Variants in LATS1 observed in about 807,000 individuals in gnomAD.
LATS1 encodes large tumor suppressor kinase 1, also known as serine/threonine-protein kinase LATS1.
Under a neutral mutation model 106.6 loss-of-function variants are expected in LATS1, and 25 were observed. That is an observed-to-expected ratio of 0.23 (90% confidence interval 0.17 to 0.33). The LOEUF is 0.33. Ranked by LOEUF, LATS1 falls within the 10% of genes least tolerant of loss-of-function variation. The pLI is 1.00. For synonymous variants in LATS1, 465 were observed against 455.6 expected (o/e 1.02, Z -0.26); for missense variants, 1,040 against 1,382.6 (o/e 0.75, Z 3.93).
chr6:149,673,812 C>T (rs1165149521), intron 7 of LATS1, among the ~76,000 whole-genome samples: 2 of 150,888 alleles, frequency 1.3e-5, no homozygotes, highest in Non-Finnish European at 2.9e-5. Flanking sequence ...ATAGCTGGGA[C>T]TACAGGTACC....
At position 149,684,961 on chromosome 6, in the gene LATS1, C is replaced by T. The variant is rs1167931573; in HGVS notation, c.497-369G>A. On this transcript the variant is annotated intron_variant, in intron 3 of 7. Transcript: ENST00000543571. ...AGAATTTTATTTATTTTTGACCAGG[C>T]GTGGTGGCTCACGCCTGTAATCCCA... Among the ~76,000 whole-genome samples the T allele has an allele frequency of 5.3e-5, 8 of 152,066 alleles. No homozygotes were observed. In the East Asian group the frequency reaches 7.7e-4, roughly 15 times the overall value.
At chr6:149,682,160 T>C (rs949664343) in intron 4 of LATS1, among the ~76,000 whole-genome samples, 1 of 151,962 alleles carries the variant, frequency 6.6e-6, no homozygotes, top group Non-Finnish European at 1.5e-5. Flanking sequence ...TAGAGATCTA[T>C]GTGGAATGAC....
At chr6:149,668,798 T>C (rs1204768893) in intron 7 of LATS1, among the ~76,000 whole-genome samples, 1 of 151,740 alleles carries the variant, frequency 6.6e-6, no homozygotes, top group Non-Finnish European at 1.5e-5. Flanking sequence ...AATTGTTACA[T>C]TGTTGGATGA....
intron 1 of LATS1, 29 bp downstream of exon 1, chr6:149,717,820 C>T: frequency 3.5e-6 from 1 of 289,670 alleles, no homozygotes; most frequent in Non-Finnish European, 6.7e-6. Flanking sequence ...ACTGGAGGAG[C>T]GCACCCGCTA....
At chr6:149,697,658 T>C (rs1429384293) in intron 2 of LATS1, among the ~76,000 whole-genome samples, 1 of 152,240 alleles carries the variant, frequency 6.6e-6, no homozygotes, top group African/African-American at 2.4e-5. Context: ...TATGCTATTA[T>C]TACACAGCAG....
intron 3 of LATS1, among the ~76,000 whole-genome samples, chr6:149,687,765 C>T (rs1782481029): frequency 6.6e-6 from 1 of 151,328 alleles, no homozygotes; most frequent in African/African-American, 2.4e-5. Context: ...GACGGGGTCT[C>T]CCTAATATAC....
In LATS1 at chr6:149,678,164, C is replaced by CAAAAAAAAAAAAAAAAAAAA. The variant is rs56884854; in HGVS notation, c.2594-1447_2594-1428dup. 1.6e-4 allele frequency among the ~76,000 whole-genome samples: 7 copies of CAAAAAAAAAAAAAAAAAAAA among 43,508 alleles called. 3 individuals carry two copies. The highest frequency in any genetic ancestry group is 6.0e-4 in the Admixed American group (2 of 3,360). 28.5% of individuals were successfully genotyped at this position (43,508 alleles called of 152,430 possible). ...TGAAACCTGGTCTCTACTAAAAATC[C>CAAAAAAAAAAAAAAAAAAAA]AAAAAAAAAAAAAAAAAAAAAAAAA... On this transcript the variant is annotated intron_variant, in intron 5 of 7. Transcript: ENST00000543571.
At chr6:149,715,161 C>T (rs1359477559) in intron 1 of LATS1, among the ~76,000 whole-genome samples, 3 of 152,110 alleles carry the variant, frequency 2.0e-5, no homozygotes, top group South Asian at 2.1e-4. Context: ...CTCCGTCTCT[C>T]GGGTTCAAGT....
At chr6:149,676,188 C>T (rs567178580) in intron 7 of LATS1, 72 bp downstream of exon 7, 38 of 1,027,056 alleles carry the variant, frequency 3.7e-5, no homozygotes, top group East Asian at 1.7e-4. Context: ...AAATGCTCTA[C>T]GTACTAATAA....
In LATS1 at chr6:149,684,402, G is replaced by A; in HGVS notation, c.687C>T (p.Ser229=). The A allele has an allele frequency of 6.2e-7, 1 of 1,614,066 alleles. No homozygotes were observed. The highest frequency in any genetic ancestry group is 1.1e-5 in the South Asian group (1 of 91,076). ...GTGGGGGGTTCACTCTCTGTCCGTT[G>A]CTAGGGTGAGCTTGAACAAATGCTG... ...GISAFVQAHP[S]NGQRVNPPPP... The change falls in exon 4 of 8, where the codon AGC becomes AGT. Residue 229 remains serine, a synonymous_variant. Transcript: ENST00000543571.
intron 2 of LATS1, chr6:149,697,094 G>C: frequency 7.7e-7 from 1 of 1,295,556 alleles, no homozygotes; most frequent in Non-Finnish European, 1.0e-6. Context: ...CTACTTACTT[G>C]TCCTAGAGGA....
At chr6:149,717,321 C>T (rs1784455702) in intron 1 of LATS1, among the ~76,000 whole-genome samples, 1 of 152,204 alleles carries the variant, frequency 6.6e-6, no homozygotes, top group Non-Finnish European at 1.5e-5. Context: ...TATATACACA[C>T]TCCTACTCCA....
rs1336213670 is a variant in LATS1 at position 149,683,513 on chromosome 6, T to C, written c.1576A>G (p.Thr526Ala). The C allele has an allele frequency of 1.2e-6, 2 of 1,614,150 alleles. No individual in the cohort carries two copies. The highest frequency in any genetic ancestry group is 1.7e-6 in the Non-Finnish European group (2 of 1,180,024). ...TCAGGAAAAGGACTGGGTTGAACAG[T>C]TTGAATTGGCTGTGGTATCCAAGAA... ...HPSWIPQPIQTVQPSPFPEGT... is the reference protein window; with the variant it reads ...HPSWIPQPIQAVQPSPFPEGT... Residue 526 changes from threonine to alanine, a missense_variant, in exon 4 of 8, where the codon ACT (threonine) becomes GCT (alanine). This residue lies in a region of LATS1 where 624 missense variants were observed against 714.8 expected (regional missense o/e 0.87). Coordinates refer to ENST00000543571, the MANE Select transcript of LATS1 (RefSeq NM_004690.4).
intron 2 of LATS1, among the ~76,000 whole-genome samples, chr6:149,701,468 C>T (rs1262755585): frequency 6.6e-6 from 1 of 152,212 alleles, no homozygotes; most frequent in Non-Finnish European, 1.5e-5. Flanking sequence ...TTCACACAAA[C>T]AGATGTCCTT....
intron 1 of LATS1, among the ~76,000 whole-genome samples, chr6:149,702,833 A>G (rs1225308121): frequency 4.6e-5 from 7 of 151,934 alleles, no homozygotes; most frequent in Non-Finnish European, 8.8e-5. Context: ...CACCACGCCC[A>G]GCTAACTTTT....
rs1338722195 is a variant in LATS1, at chr6:149,704,656, A to AT, written c.-140-2391dup. 2.6e-5 allele frequency among the ~76,000 whole-genome samples: 4 copies of AT among 151,082 alleles called. No homozygotes were observed. The East Asian group carries it at 7.8e-4, about 30-fold the overall frequency. ...GCCACCCTGTCCAGCTAAGTTGTTA[A>AT]TTTTTTGTAAAACAAAGTCTCCCTA... On this transcript the variant is annotated intron_variant, in intron 1 of 7. Coordinates refer to ENST00000543571, the MANE Select transcript of LATS1 (RefSeq NM_004690.4).
intron 7 of LATS1, among the ~76,000 whole-genome samples, chr6:149,662,460 T>C (rs1385463938): frequency 6.6e-6 from 1 of 152,178 alleles, no homozygotes; most frequent in African/African-American, 2.4e-5. Flanking sequence ...AGTAAACCTT[T>C]TGGCCTATGG....
At chr6:149,692,461 G>A (rs1782815106) in intron 3 of LATS1, among the ~76,000 whole-genome samples, 1 of 152,022 alleles carries the variant, frequency 6.6e-6, no homozygotes. Flanking sequence ...ACAGTACCAT[G>A]TAACTCTCCT....
At chr6:149,662,979 A>AG (rs1341053089) in intron 7 of LATS1, among the ~76,000 whole-genome samples, 1 of 151,548 alleles carries the variant, frequency 6.6e-6, no homozygotes, top group African/African-American at 2.4e-5. Flanking sequence ...AAAAAAAAAA[A>AG]AAAAAAAAGA....
Sources: allele counts gnomAD v4.1 joint callset (sites outside exome capture counted in the v4.1 genomes callset), GRCh38; gene constraint gnomAD v4.1.1; regional missense constraint gnomAD v4.1.1; transcripts MANE v1.5; gene names NCBI Gene and HGNC (gene_info 2026-07-23, HGNC 2026-07-21).